ZNF385D: variants seen among roughly 807,000 people sequenced by gnomAD.
ZNF385D encodes zinc finger protein 659.
ZNF385D carries 15 observed loss-of-function variants against 35.8 expected under a neutral mutation model. The observed-to-expected ratio is 0.42, with a 90% CI of 0.28 to 0.64. The LOEUF (loss-of-function observed/expected upper bound fraction) is 0.64, where lower values mean the gene tolerates loss of function less well. Among genes scored for constraint, ZNF385D ranks in the 30% least tolerant of loss-of-function variants. The pLI is 0.23. For synonymous variants in ZNF385D, 212 were observed against 186.8 expected, an observed-to-expected ratio of 1.13 and a Z score of -1.10; for missense variants, 474 against 494.6, an observed-to-expected ratio of 0.96 and a Z score of 0.39.
chr3:22,329,395 T>C (rs1694831827), intron 2 of ZNF385D, among the ~76,000 whole-genome samples: 1 of 152,216 alleles, frequency 6.6e-6, no homozygotes, highest in South Asian at 2.1e-4. Flanking sequence ...CAAGTGTTGA[T>C]ATTTCATAGG....
At chr3:21,825,422 G>A (rs1345216772) in intron 3 of ZNF385D, among the ~76,000 whole-genome samples, 1 of 151,928 alleles carries the variant, frequency 6.6e-6, no homozygotes, top group Non-Finnish European at 1.5e-5. Flanking sequence ...ATTGCTTTTA[G>A]CTTCAAAAAA....
intron 2 of ZNF385D, among the ~76,000 whole-genome samples, chr3:21,586,725 G>T (rs948565784): frequency 3.3e-5 from 5 of 149,284 alleles, no homozygotes; most frequent in Admixed American, 6.7e-5. Context: ...GCAGAGTTTT[G>T]TTCAAGGATG....
At chr3:21,757,012 C>T (rs1217998759) in intron 3 of ZNF385D, among the ~76,000 whole-genome samples, 1 of 151,650 alleles carries the variant, frequency 6.6e-6, no homozygotes, top group South Asian at 2.1e-4. Context: ...AATTAATTGC[C>T]TACAAGAAAA....
intron 2 of ZNF385D, among the ~76,000 whole-genome samples, chr3:22,364,162 T>C (rs1034698266): frequency 4.6e-5 from 7 of 152,104 alleles, no homozygotes; most frequent in Middle Eastern, 3.2e-3. Context: ...TTTAAAGTCA[T>C]CTTAAACCCA....
intron 3 of ZNF385D, among the ~76,000 whole-genome samples, chr3:21,536,110 A>T (rs2062030875): frequency 6.6e-6 from 1 of 152,092 alleles, no homozygotes; most frequent in South Asian, 2.1e-4. Context: ...TTAAACAGTA[A>T]CAACTTATTT....
At chr3:22,191,098 G>C (rs907531202) in intron 2 of ZNF385D, among the ~76,000 whole-genome samples, 2 of 151,972 alleles carry the variant, frequency 1.3e-5, no homozygotes, top group Non-Finnish European at 2.9e-5. Context: ...AATAAACATA[G>C]GAAGTCCACA....
chr3:21,562,564 GAGAATAT>G (rs2062989869), intron 3 of ZNF385D, among the ~76,000 whole-genome samples: 2 of 152,074 alleles, frequency 1.3e-5, no homozygotes, highest in Admixed American at 1.3e-4. Flanking sequence ...GCTTAATAAA[GAGAATAT>G]TGACAGTGAA....
At chr3:21,971,349 G>C (rs1703244753) in intron 3 of ZNF385D, among the ~76,000 whole-genome samples, 1 of 151,892 alleles carries the variant, frequency 6.6e-6, no homozygotes, top group East Asian at 1.9e-4. Flanking sequence ...ATTTTTATTA[G>C]TTTTCAATTT....
At chr3:21,809,168 A>G (rs1464326111) in intron 3 of ZNF385D, among the ~76,000 whole-genome samples, 1 of 152,216 alleles carries the variant, frequency 6.6e-6, no homozygotes, top group Non-Finnish European at 1.5e-5. Context: ...TTAGCTAAGA[A>G]GGATTTTAAA....
At chr3:21,736,511 C>T (rs1414824423) in intron 1 of ZNF385D, among the ~76,000 whole-genome samples, 1 of 152,116 alleles carries the variant, frequency 6.6e-6, no homozygotes, top group Non-Finnish European at 1.5e-5. Context: ...TTTATAACTA[C>T]CTTCAGAGAT....
chr3:21,923,622 G>T (rs1700583808), intron 3 of ZNF385D, among the ~76,000 whole-genome samples: 1 of 152,100 alleles, frequency 6.6e-6, no homozygotes, highest in Admixed American at 6.5e-5. Flanking sequence ...GTTTATCAGT[G>T]GTGGACTGGA....
chr3:21,573,370 T>A (rs867424613), intron 2 of ZNF385D, among the ~76,000 whole-genome samples: 9 of 152,292 alleles, frequency 5.9e-5, no homozygotes, highest in South Asian at 2.1e-4. Flanking sequence ...GATTATGGTT[T>A]TTACACAAAT....
At chr3:21,840,657 T>C (rs901536480) in intron 3 of ZNF385D, among the ~76,000 whole-genome samples, 1 of 152,100 alleles carries the variant, frequency 6.6e-6, no homozygotes, top group African/African-American at 2.4e-5. Flanking sequence ...ATTAAAACTC[T>C]TAGCAAATGA....
At chr3:22,335,075 G>T (rs1695103449) in intron 2 of ZNF385D, among the ~76,000 whole-genome samples, 1 of 152,090 alleles carries the variant, frequency 6.6e-6, no homozygotes, top group South Asian at 2.1e-4. Context: ...CAAATTTCCT[G>T]CTTTCATTGA....
At position 22,366,604 on chromosome 3, in the gene ZNF385D, T is replaced by G. The variant is rs376488683; in HGVS notation, c.106+5846A>C. Among the ~76,000 whole-genome samples the G allele has an allele frequency of 3.3e-5, 5 of 152,304 alleles. No individual in the cohort carries two copies. In the South Asian group the frequency reaches 8.3e-4, roughly 25 times the overall value. ...GTCTTTTCACACATCTTGCATAATA[T>G]TTTTTAAAAGATGATTGTGGTAGAC... On this transcript the variant is annotated intron_variant, in intron 2 of 5. Coordinates refer to the ZNF385D transcript ENST00000494108.
chr3:21,950,049 T>C (rs1430269860), intron 3 of ZNF385D, among the ~76,000 whole-genome samples: 1 of 152,200 alleles, frequency 6.6e-6, no homozygotes, highest in Non-Finnish European at 1.5e-5. Flanking sequence ...TAGAATGATT[T>C]ATAATCCTTT....
intron 1 of ZNF385D, among the ~76,000 whole-genome samples, chr3:21,741,632 G>A (rs2336043): frequency 6.6e-6 from 1 of 150,766 alleles, no homozygotes; most frequent in Non-Finnish European, 1.5e-5. Context: ...ATTTTGCCTT[G>A]TTTTTTTTTT....
intron 2 of ZNF385D, among the ~76,000 whole-genome samples, chr3:22,210,849 C>G (rs1328620963): frequency 2.0e-5 from 3 of 151,882 alleles, no homozygotes; most frequent in Non-Finnish European, 4.4e-5. Flanking sequence ...AGTCAATGCA[C>G]TGAATTACAA....
chr3:21,589,563 T>C (rs2063909697), intron 2 of ZNF385D, among the ~76,000 whole-genome samples: 1 of 152,118 alleles, frequency 6.6e-6, no homozygotes, highest in Non-Finnish European at 1.5e-5. Context: ...GCTTTGAAAC[T>C]AAGGACATTT....
Sources: gnomAD v4.1 joint callset for allele counts (sites outside exome capture counted in the v4.1 genomes callset) on GRCh38, gnomAD v4.1.1 for gene constraint, MANE v1.5 for transcripts, NCBI Gene and HGNC (gene_info 2026-07-23, HGNC 2026-07-21) for gene names.